NBL1: variants seen among roughly 807,000 people sequenced by gnomAD.
NBL1 encodes neuroblastoma suppressor of tumorigenicity 1.
Under a neutral mutation model 16.0 loss-of-function variants are expected in NBL1, and 9 were observed. That is an observed-to-expected ratio of 0.56 (90% CI 0.34 to 0.98). NBL1 has a LOEUF of 0.98. NBL1 is among the 50% of genes least tolerant of loss of function. The pLI is 0.02. For missense variants in NBL1, 196 were observed against 243.1 expected (o/e 0.81, Z 1.29); for synonymous variants, 86 against 100.7 (o/e 0.85, Z 0.87).
At chr1:19,652,453 G>A (rs1191122333) in intron 1 of NBL1, among the ~76,000 whole-genome samples, 2 of 122,220 alleles carry the variant, frequency 1.6e-5, no homozygotes, top group African/African-American at 5.9e-5. Context: ...AACTCATTTG[G>A]GAGGCGGCGG....
intron 1 of NBL1, among the ~76,000 whole-genome samples, chr1:19,653,059 G>A (rs934935078): frequency 2.6e-5 from 4 of 151,630 alleles, no homozygotes; most frequent in Non-Finnish European, 2.9e-5. Context: ...AGGCTGAGGC[G>A]GGCGGATCAC....
chr1:19,653,159 C>T (rs543945043), intron 1 of NBL1, among the ~76,000 whole-genome samples: 16 of 149,074 alleles, frequency 1.1e-4, no homozygotes, highest in African/African-American at 2.5e-4. Context: ...TGGTGGTGGG[C>T]GCCTGCAGTC....
Position 19,657,249 on chromosome 1 carries a change from T to A in NBL1, c.*120T>A. On this transcript the variant is annotated 3_prime_UTR_variant, in exon 4 of 4. Transcript: ENST00000375136. ...GCACTGGATGGACTTGGCTTCAGACTCGGACTTGAATGCTGCCCGGTTGCC... is the reference window on the plus strand; with the variant it reads ...GCACTGGATGGACTTGGCTTCAGACACGGACTTGAATGCTGCCCGGTTGCC... The A allele has an allele frequency of 3.5e-6, 2 of 572,918 alleles. No individual in the cohort carries two copies. Among genetic ancestry groups the A allele is most frequent in the Non-Finnish European group, 6.2e-6 (2 of 321,894 alleles). 35.5% of individuals were successfully genotyped at this position (572,918 alleles called of 1,614,324 possible).
In NBL1 at chr1:19,645,919, G is replaced by A. The variant is rs1412348820; in HGVS notation, c.-20+1473G>A. 4 of 1,550,016 alleles carry A rather than the reference G, an allele frequency of 2.6e-6. No homozygotes were observed. In the East Asian group the frequency reaches 9.8e-5, roughly 38 times the overall value. On this transcript the variant is annotated intron_variant, in intron 1 of 3. Coordinates refer to ENST00000375136, the MANE Select transcript of NBL1 (RefSeq NM_005380.8). The stretch of plus-strand genomic sequence containing the variant: ...GCTGCCGGAGCGGGCAGGGTTGTTG[G>A]TGAGGTCTGCAGTGGAACTTCTGCT...
At chr1:19,650,632 T>C (rs1421303492) in intron 1 of NBL1, among the ~76,000 whole-genome samples, 1 of 151,998 alleles carries the variant, frequency 6.6e-6, no homozygotes, top group Non-Finnish European at 1.5e-5. Context: ...CCGCCCTCGC[T>C]TTTGGGGAGT....
At chr1:19,647,905 G>A (rs1042231545) in intron 1 of NBL1, among the ~76,000 whole-genome samples, 2 of 151,776 alleles carry the variant, frequency 1.3e-5, no homozygotes, top group Admixed American at 1.3e-4. Flanking sequence ...GTGTGTGTGC[G>A]TGCTTGTGCG....
At chr1:19,647,574 G>A (rs1480631683) in intron 1 of NBL1, 2 of 984,778 alleles carry the variant, frequency 2.0e-6, no homozygotes, top group East Asian at 2.3e-4. Context: ...GGAGAGGCAG[G>A]GGAGGGGGAG....
intron 1 of NBL1, among the ~76,000 whole-genome samples, chr1:19,649,308 A>T (rs551098689): frequency 6.6e-6 from 1 of 152,110 alleles, no homozygotes; most frequent in South Asian, 2.1e-4. Flanking sequence ...GTCACACACC[A>T]CACAATGATG....
upstream of NBL1, chr1:19,644,044 C>T (rs2094962137): frequency 3.1e-6 from 3 of 980,560 alleles, no homozygotes; most frequent in South Asian, 9.4e-5. This position sits in a 1 kb window ranked among gnomAD's most constrained non-coding sequence, Gnocchi z 4.6. Context: ...GCTGCCCTGC[C>T]TCTCGGGCGC....
chr1:19,656,713 A>G (rs2095058407), intron 3 of NBL1, among the ~76,000 whole-genome samples, 153 bp from the exon 4 acceptor site: 1 of 151,928 alleles, frequency 6.6e-6, no homozygotes, highest in African/African-American at 2.4e-5. Context: ...GCAGGGGTTC[A>G]ATTTCCCCCT....
At chr1:19,655,998 C>A (rs1313958462) in intron 3 of NBL1, among the ~76,000 whole-genome samples, 1 of 152,188 alleles carries the variant, frequency 6.6e-6, no homozygotes, top group Non-Finnish European at 1.5e-5. Flanking sequence ...CCTTTCCAGG[C>A]CCCCTGACTG....
At chr1:19,650,560 G>T (rs1048358874) in intron 1 of NBL1, among the ~76,000 whole-genome samples, 11 of 152,168 alleles carry the variant, frequency 7.2e-5, no homozygotes, top group Admixed American at 5.2e-4. Context: ...ACTTGCTGGG[G>T]GCCTTGGGAC....
intron 3 of NBL1, 85 bp from the exon 4 acceptor site, chr1:19,656,781 C>G (rs945479210): frequency 1.4e-6 from 2 of 1,469,196 alleles, no homozygotes; most frequent in African/African-American, 2.8e-5. Flanking sequence ...ATTCTTGATC[C>G]CATGAGGAAG....
In NBL1 at chr1:19,651,020, G is replaced by A. The variant is rs1360820881; in HGVS notation, c.-19-3992G>A. On this transcript the variant is annotated intron_variant, in intron 1 of 3. Transcript: ENST00000375136. ...AGCCTTTCCCATGATCCCCTGGGGG[G>A]AAGAGAGCTGACCTTAGTGGGTGCC... Among the ~76,000 whole-genome samples the A allele has an allele frequency of 5.9e-5, 9 of 152,208 alleles. No individual in the cohort carries two copies. In the East Asian group the frequency reaches 1.7e-3, roughly 29 times the overall value.
intron 1 of NBL1, among the ~76,000 whole-genome samples, chr1:19,650,715 G>A (rs971172800): frequency 1.3e-5 from 2 of 151,830 alleles, no homozygotes; most frequent in African/African-American, 4.8e-5. Flanking sequence ...CAAGGCTCAG[G>A]AAGGAAAGTA....
In NBL1 at chr1:19,644,359, C is replaced by CA. The variant is rs2094964685; in HGVS notation, c.-107_-106insA. 2.0e-6 allele frequency: 2 copies of CA among 978,170 alleles called. No homozygotes were observed. Among genetic ancestry groups the CA allele is most frequent in the African/African-American group, 3.5e-5 (2 of 56,408 alleles). 60.6% of individuals were successfully genotyped at this position (978,170 alleles called of 1,614,324 possible). On this transcript the variant is annotated 5_prime_UTR_variant, in exon 1 of 4. Coordinates refer to ENST00000375136, the MANE Select transcript of NBL1 (RefSeq NM_005380.8). The surrounding 1 kb of genome is among the most constrained non-coding windows in gnomAD (Gnocchi z 4.6). ...AGCCGAGCGTCGCGGGGCCGCCCCC[C>CA]GCCCTGCCGGCCGCCTCGCCGAGCC...
chr1:19,644,016 G>GC, upstream of NBL1: 1 of 984,906 alleles, frequency 1.0e-6, no homozygotes, highest in Non-Finnish European at 1.2e-6. The surrounding 1 kb of genome is among the most constrained non-coding windows in gnomAD (Gnocchi z 4.6). Context: ...TTAAGAACGG[G>GC]CCAGGGCGCC....
chr1:19,652,998 A>G (rs747017537), intron 1 of NBL1, among the ~76,000 whole-genome samples: 1 of 138,322 alleles, frequency 7.2e-6, no homozygotes, highest in Admixed American at 7.3e-5. Context: ...AAAAAAATAG[A>G]TAAGTAAGGC....
At chr1:19,652,266 G>A (rs1415337118) in intron 1 of NBL1, among the ~76,000 whole-genome samples, 1 of 152,176 alleles carries the variant, frequency 6.6e-6, no homozygotes, top group Non-Finnish European at 1.5e-5. Context: ...GGTGTGCTGT[G>A]GGCAGACCTG....
Sources: gnomAD v4.1 joint callset for allele counts (sites outside exome capture counted in the v4.1 genomes callset) on GRCh38, gnomAD v4.1.1 for gene constraint, Gnocchi (gnomAD v3.1) non-coding constraint, MANE v1.5 for transcripts, NCBI Gene and HGNC (gene_info 2026-07-23, HGNC 2026-07-21) for gene names.